The following PNLIP variants were observed in gnomAD, a reference collection of about 807,000 sequenced individuals.
PNLIP encodes pancreatic lipase.
Under a neutral mutation model 57.1 loss-of-function variants are expected in PNLIP, and 49 were observed. The ratio of observed to expected loss-of-function variants is 0.86; its 90% CI spans 0.68 to 1.09. The LOEUF (loss-of-function observed/expected upper bound fraction) is 1.09. Ranked by LOEUF, PNLIP falls within the 50% of genes least tolerant of loss-of-function variation. PNLIP has a pLI of 0.00. For synonymous variants in PNLIP, 209 were observed against 200.4 expected (o/e 1.04, Z -0.36); for missense variants, 503 against 570.2 (o/e 0.88, Z 1.20).
chr10:116,553,096 A>G (rs1321913458), intron 5 of PNLIP, among the ~76,000 whole-genome samples: 2 of 151,918 alleles, frequency 1.3e-5, no homozygotes, highest in Non-Finnish European at 2.9e-5. Context: ...CTACAGATCT[A>G]CCACTTCAGA....
At chr10:116,557,751 C>G (rs1233512737) in intron 9 of PNLIP, among the ~76,000 whole-genome samples, 2 of 152,166 alleles carry the variant, frequency 1.3e-5, no homozygotes, top group African/African-American at 2.4e-5. Context: ...AATTGGGACA[C>G]TTGTCCTGCC....
chr10:116,550,744 C>CT (rs1367548758), intron 4 of PNLIP, among the ~76,000 whole-genome samples: 1 of 152,172 alleles, frequency 6.6e-6, no homozygotes, highest in Non-Finnish European at 1.5e-5. Context: ...TGGGTGCATT[C>CT]TATTAAGGGA....
At chr10:116,564,606 C>T (rs1847345227) in intron 12 of PNLIP, among the ~76,000 whole-genome samples, 1 of 152,054 alleles carries the variant, frequency 6.6e-6, no homozygotes, top group South Asian at 2.1e-4. Context: ...ATAGGAAATA[C>T]ATGATAAATA....
chr10:116,546,909 T>C (rs1055715291), intron 2 of PNLIP, among the ~76,000 whole-genome samples: 2 of 152,154 alleles, frequency 1.3e-5, no homozygotes, highest in African/African-American at 4.8e-5. Flanking sequence ...TCCATAAAAT[T>C]TTAGCTCTCC....
Position 116,551,161 on chromosome 10 carries a change from G to A in PNLIP, c.388G>A (p.Gly130Arg). The A allele has an allele frequency of 6.2e-7, 1 of 1,612,894 alleles. No homozygotes were observed. Among genetic ancestry groups the A allele is most frequent in the African/African-American group, 1.3e-5 (1 of 74,948 alleles). ...CVDWKGGSRT[G>R]YTQASQNIRI... ...GGACTGGAAAGGTGGCTCCCGAACTGGATACACACAAGCCTCGCAGAACAT... is the reference window on the plus strand; with the variant it reads ...GGACTGGAAAGGTGGCTCCCGAACTAGATACACACAAGCCTCGCAGAACAT... Residue 130 changes from glycine to arginine, a missense_variant, in exon 5 of 13, where the codon GGA (glycine) becomes AGA (arginine). Physicochemically the swap from Gly to Arg is moderately radical, Grantham distance 125 (BLOSUM62 -2). Transcript: ENST00000369221.
chr10:116,551,336 C>G (rs1166780757), intron 5 of PNLIP, 104 bp downstream of exon 5: 1 of 765,414 alleles, frequency 1.3e-6, no homozygotes, highest in Middle Eastern at 3.3e-4. Flanking sequence ...GATAAAGACA[C>G]TTCTCTACTC....
At chr10:116,564,246 T>TA (rs1033868379) in intron 12 of PNLIP, among the ~76,000 whole-genome samples, 3 of 151,794 alleles carry the variant, frequency 2.0e-5, no homozygotes, top group African/African-American at 7.3e-5. Context: ...CTTACACAAA[T>TA]AAAAAAATGT....
intron 12 of PNLIP, among the ~76,000 whole-genome samples, chr10:116,565,010 C>T (rs1847349337): frequency 6.6e-6 from 1 of 151,806 alleles, no homozygotes; most frequent in African/African-American, 2.4e-5. Context: ...CCTGTAATCC[C>T]AGCACTTTGG....
In PNLIP at chr10:116,559,236, T is replaced by C; in HGVS notation, c.1013T>C (p.Val338Ala). Residue 338 changes from valine (V) to alanine (A), a missense_variant, in exon 10 of 13, where the codon GTG becomes GCG. Transcript: ENST00000369221. Reference sequence around the variant, plus strand: ...AGATATCCTGGGAAAACAAATGATGTGGGCCAGAAATTTTATCTAGACACT... The same window carrying C: ...AGATATCCTGGGAAAACAAATGATGCGGGCCAGAAATTTTATCTAGACACT... ...ADRYPGKTND[V>A]GQKFYLDTGD... is the part of the protein sequence containing the mutation. The C allele has an allele frequency of 6.2e-7, 1 of 1,614,064 alleles. No homozygotes were observed. The highest frequency in any genetic ancestry group is 8.5e-7 in the Non-Finnish European group (1 of 1,179,940).
chr10:116,558,249 G>A (rs1306223483), intron 9 of PNLIP, among the ~76,000 whole-genome samples: 2 of 147,218 alleles, frequency 1.4e-5, no homozygotes, highest in African/African-American at 5.0e-5. Context: ...CCAGGCTGGA[G>A]TGCAGTGGCG....
Position 116,561,629 on chromosome 10 carries a change from G to C in PNLIP, c.1327G>C (p.Gly443Arg). The C allele has an allele frequency of 3.1e-6, 5 of 1,608,376 alleles. No individual in the cohort carries two copies. The highest frequency in any genetic ancestry group is 4.2e-6 in the Non-Finnish European group (5 of 1,176,650). ...CAAGATTATAGTGGAGACAAATGTTGGAAAACAGTAAGTAATGAAAATCCC... is the reference window on the plus strand; with the variant it reads ...CAAGATTATAGTGGAGACAAATGTTCGAAAACAGTAAGTAATGAAAATCCC... ...ASKIIVETNV[G>R]KQFNFCSPET... The change falls in exon 12 of 13, where the codon GGA (glycine) becomes CGA (arginine). Residue 443 changes from glycine (G) to arginine (R), a missense_variant. Gly to Arg is a moderately radical substitution (Grantham distance 125). Coordinates refer to ENST00000369221, the MANE Select transcript of PNLIP (RefSeq NM_000936.4).
At chr10:116,556,227 T>A in intron 9 of PNLIP, 109 bp downstream of exon 9, 1 of 678,906 alleles carries the variant, frequency 1.5e-6, no homozygotes, top group Non-Finnish European at 2.6e-6. Flanking sequence ...ACTTTTGAAC[T>A]TATACATGCC....
Position 116,553,778 on chromosome 10 carries a change from GGT to G in PNLIP, c.513_514del (p.Ala172ProfsTer32), listed in dbSNP as rs755559272. 2 of 1,613,444 alleles carry G rather than the reference GGT, an allele frequency of 1.2e-6. No individual in the cohort carries two copies. Among genetic ancestry groups the G allele is most frequent in the Non-Finnish European group, 1.7e-6 (2 of 1,179,684 alleles). ...SNVHVIGHSL[G>X]AHAAGEAGRR... ...TGTGCATGTCATTGGCCACAGCCTGGGTGCCCACGCTGCTGGGGAGGCTGGAA... is the reference window on the plus strand; with the variant it reads ...TGTGCATGTCATTGGCCACAGCCTGGGCCCACGCTGCTGGGGAGGCTGGAA... On this transcript the variant is annotated frameshift_variant, in exon 6 of 13. Transcript: ENST00000369221. LOFTEE classifies it high-confidence loss of function.
chr10:116,557,498 C>T (rs1018772478), intron 9 of PNLIP, among the ~76,000 whole-genome samples: 6 of 152,118 alleles, frequency 3.9e-5, no homozygotes, highest in Admixed American at 6.5e-5. Flanking sequence ...TGGGTAATAG[C>T]CTTGCCTGTT....
rs540232299 is a variant in PNLIP, at chr10:116,551,453, T to C, written c.459+221T>C. 1.8e-4 allele frequency among the ~76,000 whole-genome samples: 27 copies of C among 152,338 alleles called. 1 individual carries two copies. In the South Asian group the frequency reaches 5.4e-3, roughly 30 times the overall value. ...AAACTAGTTTTTTTAAGTTAACTTA[T>C]TCAAGCAATTGGTAGGTTGTTTTTA... On this transcript the variant is annotated intron_variant, in intron 5 of 12. Transcript: ENST00000369221.
Position 116,561,545 on chromosome 10 carries a change from G to C in PNLIP, c.1243G>C (p.Val415Leu), listed in dbSNP as rs1350789278. The C allele has an allele frequency of 6.2e-7, 1 of 1,613,730 alleles. No individual in the cohort carries two copies. The highest frequency in any genetic ancestry group is 1.7e-5 in the Admixed American group (1 of 60,000). Reference sequence around the variant, plus strand: ...TGTGGATGTTGGGGACTTGCAGATGGTTAAATTTATTTGGTATAACAATGT... The same window carrying C: ...TGTGGATGTTGGGGACTTGCAGATGCTTAAATTTATTTGGTATAACAATGT... ...SDVDVGDLQM[V>L]KFIWYNNVIN... The change falls in exon 12 of 13, where the codon GTT becomes CTT. Residue 415 changes from valine (V) to leucine (L), a missense_variant. By Grantham distance (32) the Val-to-Leu change is conservative. Coordinates refer to ENST00000369221, the MANE Select transcript of PNLIP (RefSeq NM_000936.4).
intron 5 of PNLIP, 74 bp downstream of exon 5, chr10:116,551,306 AGCCTGTAGATT>A: frequency 1.2e-6 from 1 of 810,114 alleles, no homozygotes; most frequent in Non-Finnish European, 1.8e-6. Flanking sequence ...AAAAAAAAAA[AGCCTGTAGATT>A]TAATCATAGA....
Position 116,559,279 on chromosome 10 carries a change from T to C in PNLIP, c.1056T>C (p.Phe352=), listed in dbSNP as rs201865550. The C allele has an allele frequency of 6.2e-7, 1 of 1,610,504 alleles. No homozygotes were observed. Among genetic ancestry groups the C allele is most frequent in the Admixed American group, 1.7e-5 (1 of 59,696 alleles). Residue 352 remains phenylalanine (F), a synonymous_variant, in exon 10 of 13, where the codon TTT becomes TTC. Coordinates refer to ENST00000369221, the MANE Select transcript of PNLIP (RefSeq NM_000936.4). Reference sequence around the variant, plus strand: ...TAGACACTGGTGATGCCAGTAATTTTGCACGTAAGTTTCTGTTTTCTGTAT... The same window carrying C: ...TAGACACTGGTGATGCCAGTAATTTCGCACGTAAGTTTCTGTTTTCTGTAT... The part of the protein sequence containing the change: ...FYLDTGDASN[F]ARWRYKVSVT...
At chr10:116,555,132 G>A in intron 6 of PNLIP, 46 bp from the exon 7 acceptor site, 1 of 1,608,340 alleles carries the variant, frequency 6.2e-7, no homozygotes, top group Non-Finnish European at 8.5e-7. Context: ...CTTAATACTT[G>A]TACTCAGGAC....
Sources: allele counts gnomAD v4.1 joint callset (sites outside exome capture counted in the v4.1 genomes callset), GRCh38; gene constraint gnomAD v4.1.1; transcripts MANE v1.5; gene names NCBI Gene and HGNC (gene_info 2026-07-23, HGNC 2026-07-21).